Variants in SCN11A observed in about 807,000 individuals in gnomAD.
The protein encoded by SCN11A is sodium channel protein type 11 subunit alpha.
A neutral mutation model predicts 162.2 loss-of-function variants in SCN11A; 122 were observed. The ratio of observed to expected loss-of-function variants is 0.75; its 90% CI spans 0.65 to 0.87. The LOEUF is 0.87. SCN11A is among the 40% of genes least tolerant of loss of function. The pLI is 0.00. For synonymous variants in SCN11A, 758 were observed against 751.5 expected, an observed-to-expected ratio of 1.01 and a Z score of -0.14; for missense variants, 2,015 against 2,181.6, an observed-to-expected ratio of 0.92 and a Z score of 1.52.
intron 2 of SCN11A, among the ~76,000 whole-genome samples, chr3:38,985,958 T>C (rs2030224796): frequency 6.6e-6 from 1 of 150,972 alleles, no homozygotes; most frequent in African/African-American, 2.5e-5. Flanking sequence ...GGCTCACTCA[T>C]GAGGCAAGGT....
intron 15 of SCN11A, among the ~76,000 whole-genome samples, chr3:38,904,771 T>A (rs1190387278): frequency 6.6e-6 from 1 of 152,174 alleles, no homozygotes; most frequent in Non-Finnish European, 1.5e-5. Context: ...TCTACATAGG[T>A]CTTCTATTGC....
Position 38,871,502 on chromosome 3 carries a change from G to C in SCN11A, c.3702C>G (p.Ile1234Met). The C allele has an allele frequency of 6.2e-7, 1 of 1,612,978 alleles. No individual in the cohort carries two copies. The highest frequency in any genetic ancestry group is 8.5e-7 in the Non-Finnish European group (1 of 1,179,474). ...SQCESGNFSW[I>M]NQKVNFDNVG... Reference sequence around the variant, plus strand: ...CATTGTCAAAGTTGACTTTCTGGTTGATCCAAGAGAAATTGCCACTTTCAC... The same window carrying C: ...CATTGTCAAAGTTGACTTTCTGGTTCATCCAAGAGAAATTGCCACTTTCAC... The change falls in exon 25 of 30, where the codon ATC becomes ATG. Residue 1234 changes from isoleucine (I) to methionine (M), a missense_variant. Physicochemically the swap from Ile to Met is conservative, Grantham distance 10 (BLOSUM62 1). Coordinates refer to ENST00000302328, the MANE Select transcript of SCN11A (RefSeq NM_001349253.2).
At chr3:38,967,782 C>T (rs2066792024) in intron 2 of SCN11A, among the ~76,000 whole-genome samples, 1 of 152,172 alleles carries the variant, frequency 6.6e-6, no homozygotes, top group Non-Finnish European at 1.5e-5. Flanking sequence ...ATTTCCCCTC[C>T]CCAGGGCTCA....
Position 38,847,483 on chromosome 3 carries a change from A to T in SCN11A, c.4587T>A (p.Asp1529Glu), listed in dbSNP as rs759132701. ...FSKVNPESGI[D>E]DIFNFKTFAS... The stretch of plus-strand genomic sequence containing the variant: ...CAAAAGTCTTGAAGTTGAATATGTC[A>T]TCGATTCCAGACTCTGGATTCACTT... The change falls in exon 30 of 30, where the codon GAT becomes GAA. Residue 1529 changes from aspartate (D) to glutamate (E), a missense_variant. Asp to Glu is a conservative substitution (Grantham distance 45, BLOSUM62 2). Coordinates refer to ENST00000302328, the MANE Select transcript of SCN11A (RefSeq NM_001349253.2). The T allele has an allele frequency of 1.9e-6, 3 of 1,614,070 alleles. No individual in the cohort carries two copies. The South Asian group carries it at 3.3e-5, about 18-fold the overall frequency.
chr3:38,954,714 C>G (rs992775034), intron 3 of SCN11A, among the ~76,000 whole-genome samples: 2 of 152,154 alleles, frequency 1.3e-5, no homozygotes, highest in Admixed American at 6.5e-5. Context: ...ATTGGCCAGG[C>G]ACAGTGGCTC....
At chr3:39,028,902 C>T (rs989929179) in intron 2 of SCN11A, among the ~76,000 whole-genome samples, 7 of 152,062 alleles carry the variant, frequency 4.6e-5, no homozygotes, top group Admixed American at 1.3e-4. Context: ...AAAGTTCCCA[C>T]GACTTTTCAA....
intron 11 of SCN11A, among the ~76,000 whole-genome samples, chr3:38,919,390 C>A (rs1200156939): frequency 6.6e-6 from 1 of 152,206 alleles, no homozygotes; most frequent in African/African-American, 2.4e-5. Context: ...CTCAATAAAT[C>A]TTCACTGAAT....
intron 2 of SCN11A, among the ~76,000 whole-genome samples, chr3:38,983,069 GC>G (rs1463876977): frequency 1.3e-5 from 2 of 152,176 alleles, no homozygotes; most frequent in Non-Finnish European, 2.9e-5. Context: ...TCAGCAAGAA[GC>G]CAGAGCTGAA....
Position 38,899,847 on chromosome 3 carries a change from C to G in SCN11A, c.2022+47G>C, listed in dbSNP as rs779505115. ...ACTGAACTCACTCAAAACGTTTTTT[C>G]CACTTAGGCAGCTACGTTTATGCAG... On this transcript the variant is annotated intron_variant, in intron 17 of 29. Coordinates refer to ENST00000302328, the MANE Select transcript of SCN11A (RefSeq NM_001349253.2). 12 of 1,525,086 alleles carry G rather than the reference C, an allele frequency of 7.9e-6. No individual in the cohort carries two copies. The African/African-American group carries it at 1.7e-4, about 21-fold the overall frequency. The allele number at this position is 1,525,086 out of a possible 1,614,324, so 94.5% of individuals were successfully genotyped here. A position where few individuals can be genotyped will look rare whatever the true frequency, so the allele number is the denominator to read the frequency against.
Position 38,998,237 on chromosome 3 carries a change from G to A in SCN11A, c.-280+34143C>T, listed in dbSNP as rs887554499. 4.6e-5 allele frequency among the ~76,000 whole-genome samples: 7 copies of A among 152,284 alleles called. No individual in the cohort carries two copies. In the East Asian group the frequency reaches 5.8e-4, roughly 13 times the overall value. On this transcript the variant is annotated intron_variant, in intron 2 of 29. Transcript: ENST00000302328. ...TTATCTCTGCAGCTGAATTTCTCAC[G>A]AAGTCCAGAGGGCAGCTTTTATGAG...
rs185692288 is a variant in SCN11A at position 38,889,635 on chromosome 3, T to C, written c.2836-3397A>G. ...TAACATGGTGAAACCCCATCTCTAC[T>C]AAAAATACAAAAAAATCAGCCGAGT... On this transcript the variant is annotated intron_variant, in intron 19 of 29. Coordinates refer to ENST00000302328, the MANE Select transcript of SCN11A (RefSeq NM_001349253.2). Among the ~76,000 whole-genome samples, 7 of 150,458 alleles carry C rather than the reference T, an allele frequency of 4.7e-5. No individual in the cohort carries two copies. In the East Asian group the frequency reaches 1.4e-3, roughly 30 times the overall value.
chr3:38,894,756 C>T lies in SCN11A; in HGVS notation c.2612G>A (p.Gly871Glu), dbSNP rs2065563999. 1 of 1,614,212 alleles carries T rather than the reference C, an allele frequency of 6.2e-7. No homozygotes were observed. The highest frequency in any genetic ancestry group is 1.3e-5 in the African/African-American group (1 of 75,050). The change falls in exon 19 of 30, where the codon GGA becomes GAA. Residue 871 changes from glycine to glutamate, a missense_variant. Coordinates refer to ENST00000302328, the MANE Select transcript of SCN11A (RefSeq NM_001349253.2). ...QNLPQQKEVA[G>E]GCAAQSKDII... ...GTCTTTGCTTTGTGCAGCACAGCCT[C>T]CTGCCACCTCTTTTTGCTGTGGTAA...
chr3:38,903,699 T>C (rs543672133), intron 16 of SCN11A, among the ~76,000 whole-genome samples, 166 bp downstream of exon 16: 2 of 152,138 alleles, frequency 1.3e-5, no homozygotes, highest in Non-Finnish European at 2.9e-5. Flanking sequence ...GTTTCTGAAA[T>C]GAACCGGGTA....
At chr3:38,927,487 AC>A (rs1191976201) in intron 7 of SCN11A, among the ~76,000 whole-genome samples, 1 of 152,116 alleles carries the variant, frequency 6.6e-6, no homozygotes, top group Non-Finnish European at 1.5e-5. Context: ...ATTTCAAGTG[AC>A]CCCAAATAGC....
intron 2 of SCN11A, among the ~76,000 whole-genome samples, chr3:38,988,354 C>T (rs549870376): frequency 1.6e-4 from 24 of 152,232 alleles, no homozygotes; most frequent in African/African-American, 5.8e-4. Flanking sequence ...CTAGGCAATT[C>T]CATCATTCAC....
chr3:39,027,975 T>C (rs778298870), intron 2 of SCN11A, among the ~76,000 whole-genome samples: 4 of 152,234 alleles, frequency 2.6e-5, no homozygotes, highest in Non-Finnish European at 5.9e-5. Context: ...ACCTCCCAGG[T>C]GGTCCTCTTG....
At position 38,894,547 on chromosome 3, in the gene SCN11A, C is replaced by T. The variant is rs369536786; in HGVS notation, c.2821G>A (p.Glu941Lys). 1 of 1,606,818 alleles carries T rather than the reference C, an allele frequency of 6.2e-7. No individual in the cohort carries two copies. Among genetic ancestry groups the T allele is most frequent in the Admixed American group, 1.7e-5 (1 of 59,432 alleles). Residue 941 changes from glutamate (E) to lysine (K), a missense_variant, in exon 19 of 30, where the codon GAG becomes AAG. Glu to Lys is a moderately conservative substitution (Grantham distance 56). Transcript: ENST00000302328. ...EDNAQRITQP[E>K]PEQQAYELHQ... ...AACCTTCATACCTGTTGTTCAGGCT[C>T]AGGTTGTGTGATGCGCTGTGCATTA...
intron 7 of SCN11A, among the ~76,000 whole-genome samples, chr3:38,932,661 G>C (rs1376110597): frequency 1.3e-5 from 2 of 152,202 alleles, no homozygotes; most frequent in Non-Finnish European, 2.9e-5. Flanking sequence ...CAGCAGGGAG[G>C]CTGGGGGAGG....
At chr3:38,914,814 C>T (rs1440531326) in intron 11 of SCN11A, among the ~76,000 whole-genome samples, 1 of 152,138 alleles carries the variant, frequency 6.6e-6, no homozygotes, top group East Asian at 1.9e-4. Context: ...AACCATGCAT[C>T]CCAAGGATGA....
Sources: allele counts gnomAD v4.1 joint callset (sites outside exome capture counted in the v4.1 genomes callset), GRCh38; gene constraint gnomAD v4.1.1; transcripts MANE v1.5; gene names NCBI Gene and HGNC (gene_info 2026-07-23, HGNC 2026-07-21).